The following CFDP1 variants were observed in gnomAD, a reference collection of about 807,000 sequenced individuals.
CFDP1 encodes heterochromatin-stabilizing protein CFDP1.
CFDP1 carries 31 observed loss-of-function variants against 40.1 expected under a neutral mutation model. The ratio of observed to expected loss-of-function variants is 0.77; its 90% CI spans 0.58 to 1.04. The LOEUF (loss-of-function observed/expected upper bound fraction) is 1.04, where lower values mean the gene tolerates loss of function less well. Ranked by LOEUF, CFDP1 falls within the 50% of genes least tolerant of loss-of-function variation. The probability of loss-of-function intolerance (pLI) is 0.00; values close to 1 mark genes in which losing one functional copy is unlikely to be tolerated. For synonymous variants in CFDP1, 167 were observed against 120.0 expected (o/e 1.39, Z -2.56); for missense variants, 423 against 343.4 (o/e 1.23, Z -1.83).
intron 5 of CFDP1, among the ~76,000 whole-genome samples, chr16:75,381,522 A>G (rs1363359014): frequency 6.6e-6 from 1 of 152,164 alleles, no homozygotes. Flanking sequence ...GGGCTCAACT[A>G]CTATTGAGGA....
intron 5 of CFDP1, among the ~76,000 whole-genome samples, chr16:75,332,316 TTAGCACGCTGTAG>T (rs2078451860): frequency 1.3e-5 from 2 of 151,794 alleles, no homozygotes; most frequent in Non-Finnish European, 2.9e-5. Context: ...AATACAAAAA[TTAGCACGCTGTAG>T]TGGCACGCAC....
At chr16:75,379,256 C>A in intron 5 of CFDP1, among the ~76,000 whole-genome samples, 1 of 147,286 alleles carries the variant, frequency 6.8e-6, no homozygotes, top group South Asian at 2.2e-4. Flanking sequence ...AAATTGAAAA[C>A]ATAAAGGGAA....
chr16:75,293,768 A>C lies in CFDP1; in HGVS notation c.*184T>G. On this transcript the variant is annotated 3_prime_UTR_variant, in exon 7 of 7. Transcript: ENST00000283882. ...TATTTTATTTATTCATTTAAGGACA[A>C]ATTTTTAAAAGTAAAGTGAATGAAA... The C allele has an allele frequency of 1.7e-6, 1 of 583,614 alleles. No homozygotes were observed. The highest frequency in any genetic ancestry group is 2.2e-5 in the South Asian group (1 of 46,348). The allele number at this position is 583,614 out of a possible 1,614,324, so 36.2% of individuals were successfully genotyped here.
At chr16:75,302,684 G>A (rs754386732) in intron 6 of CFDP1, among the ~76,000 whole-genome samples, 21 of 152,248 alleles carry the variant, frequency 1.4e-4, no homozygotes, top group Non-Finnish European at 2.9e-5. Flanking sequence ...CACTGTGCAA[G>A]AGTGGAGAAC....
chr16:75,341,375 C>A (rs1315176538), intron 5 of CFDP1, among the ~76,000 whole-genome samples: 1 of 152,136 alleles, frequency 6.6e-6, no homozygotes, highest in Non-Finnish European at 1.5e-5. Flanking sequence ...CTATGGCAAC[C>A]TAACTGGCTT....
chr16:75,321,512 C>CT (rs1203703458), intron 5 of CFDP1, among the ~76,000 whole-genome samples: 4 of 152,174 alleles, frequency 2.6e-5, no homozygotes, highest in African/African-American at 9.7e-5. Context: ...TCAGGTAATA[C>CT]TTTAAACCAA....
chr16:75,384,986 T>C (rs1019516721), intron 5 of CFDP1, among the ~76,000 whole-genome samples: 1 of 150,798 alleles, frequency 6.6e-6, no homozygotes, highest in Non-Finnish European at 1.5e-5. Context: ...TATATATGTA[T>C]ATATTGTTTT....
intron 5 of CFDP1, among the ~76,000 whole-genome samples, chr16:75,377,123 C>G (rs532207558): frequency 2.0e-5 from 3 of 151,446 alleles, no homozygotes; most frequent in Non-Finnish European, 2.9e-5. Flanking sequence ...TAAGCCCCAA[C>G]TGGGGGCTTG....
At chr16:75,348,943 T>A (rs1384297145) in intron 5 of CFDP1, among the ~76,000 whole-genome samples, 1 of 152,184 alleles carries the variant, frequency 6.6e-6, no homozygotes, top group Non-Finnish European at 1.5e-5. Context: ...CACAGCTCAC[T>A]GCAGCCTCAA....
At chr16:75,358,919 T>C (rs1322753845) in intron 5 of CFDP1, among the ~76,000 whole-genome samples, 1 of 152,196 alleles carries the variant, frequency 6.6e-6, no homozygotes, top group Non-Finnish European at 1.5e-5. Flanking sequence ...TTAGAAGAGC[T>C]GTATAACCCA....
At chr16:75,389,251 G>A (rs1340998132) in intron 5 of CFDP1, among the ~76,000 whole-genome samples, 2 of 152,196 alleles carry the variant, frequency 1.3e-5, no homozygotes, top group Admixed American at 6.5e-5. Flanking sequence ...GTAAGGACTG[G>A]GGAGTGAGGG....
chr16:75,429,702 C>T (rs1203153189), intron 1 of CFDP1, among the ~76,000 whole-genome samples: 3 of 152,122 alleles, frequency 2.0e-5, no homozygotes, highest in Non-Finnish European at 4.4e-5. Flanking sequence ...GTAACCAAGA[C>T]AAAGTGGAGG....
intron 5 of CFDP1, among the ~76,000 whole-genome samples, chr16:75,350,478 G>A (rs57181022): frequency 0.17 from 25,199 of 152,066 alleles, 2,314 homozygotes; most frequent in Non-Finnish European, 0.21. Flanking sequence ...TCTCTCTAAT[G>A]AATAATTATG....
Position 75,306,877 on chromosome 16 carries a change from TCACACACA to T in CFDP1, c.651-1703_651-1696del, listed in dbSNP as rs59846343. 3.8e-3 allele frequency among the ~76,000 whole-genome samples: 510 copies of T among 135,652 alleles called. 14 individuals carry two copies. In the East Asian group the frequency reaches 0.078, roughly 21 times the overall value. 89.0% of individuals were successfully genotyped at this position (135,652 alleles called of 152,430 possible). A position where few individuals can be genotyped will look rare whatever the true frequency, so the allele number is the denominator to read the frequency against. ...CCTACAATGTCATATGTGCGCGTGA[TCACACACA>T]CACACACACACACACACGCACACAC... On this transcript the variant is annotated intron_variant, in intron 5 of 6. Coordinates refer to ENST00000283882, the MANE Select transcript of CFDP1 (RefSeq NM_006324.3).
chr16:75,310,875 G>A (rs1459129279), intron 5 of CFDP1, among the ~76,000 whole-genome samples: 2 of 152,182 alleles, frequency 1.3e-5, no homozygotes, highest in African/African-American at 4.8e-5. Flanking sequence ...CTGTTTCACA[G>A]AATAGAATTT....
chr16:75,407,501 G>A (rs934319225), intron 4 of CFDP1, among the ~76,000 whole-genome samples: 1 of 142,684 alleles, frequency 7.0e-6, no homozygotes, highest in African/African-American at 2.5e-5. Context: ...AACACAGTGA[G>A]ATGACATTGC....
chr16:75,384,791 C>G (rs2078878786), intron 5 of CFDP1, among the ~76,000 whole-genome samples: 3 of 128,388 alleles, frequency 2.3e-5, no homozygotes. Context: ...TATATTGAAC[C>G]TGGAGAGATG....
chr16:75,387,244 C>T (rs567188355), intron 5 of CFDP1, among the ~76,000 whole-genome samples: 23 of 152,022 alleles, frequency 1.5e-4, no homozygotes, highest in Middle Eastern at 6.8e-3. Flanking sequence ...GGGCTCACGC[C>T]ATTCTCGTGC....
chr16:75,315,758 T>C (rs915033938), intron 5 of CFDP1, among the ~76,000 whole-genome samples: 1 of 152,216 alleles, frequency 6.6e-6, no homozygotes, highest in African/African-American at 2.4e-5. Context: ...ACCTTTAGCA[T>C]GTATCTCCCA....
Sources: gnomAD v4.1 joint callset for allele counts (sites outside exome capture counted in the v4.1 genomes callset) on GRCh38, gnomAD v4.1.1 for gene constraint, MANE v1.5 for transcripts, NCBI Gene and HGNC (gene_info 2026-07-23, HGNC 2026-07-21) for gene names.